HS6ST3: variants seen among roughly 807,000 people sequenced by gnomAD.
HS6ST3 encodes the protein heparan sulfate 6-O-sulfotransferase 3.
A neutral mutation model predicts 36.7 loss-of-function variants in HS6ST3; 12 were observed. The ratio of observed to expected loss-of-function variants is 0.33; its 90% CI spans 0.21 to 0.53. The LOEUF is 0.53. HS6ST3 is among the 20% of genes least tolerant of loss of function. The pLI is 0.95. For synonymous variants in HS6ST3, 240 were observed against 257.5 expected (o/e 0.93, Z 0.65); for missense variants, 584 against 640.9 (o/e 0.91, Z 0.96).
rs146665434 is a variant in HS6ST3 at position 96,636,240 on chromosome 13, C to T, written c.708-196250C>T. On this transcript the variant is annotated intron_variant, in intron 1 of 1. Transcript: ENST00000376705. ...AAAAAGCTTTAAAAAGTGAGAAAAT[C>T]GTACAGCAAGCACTGCCATCTGATA... 3.3e-5 allele frequency among the ~76,000 whole-genome samples: 5 copies of T among 152,278 alleles called. No homozygotes were observed. The South Asian group carries it at 8.3e-4, about 25-fold the overall frequency.
intron 1 of HS6ST3, among the ~76,000 whole-genome samples, chr13:96,199,867 A>G (rs1162923916): frequency 6.6e-6 from 1 of 151,676 alleles, no homozygotes; most frequent in Non-Finnish European, 1.5e-5. Context: ...TTTTTTTTAT[A>G]TAGCTTTCTA....
intron 1 of HS6ST3, among the ~76,000 whole-genome samples, chr13:96,225,253 A>C (rs1194995739): frequency 3.3e-5 from 5 of 152,214 alleles, no homozygotes; most frequent in African/African-American, 1.2e-4. Context: ...GGGGTAAATA[A>C]GTATGTGGAA....
At chr13:96,118,989 C>T (rs12146891) in intron 1 of HS6ST3, among the ~76,000 whole-genome samples, 1 of 151,562 alleles carries the variant, frequency 6.6e-6, no homozygotes, top group Non-Finnish European at 1.5e-5. Flanking sequence ...GGATTACAGG[C>T]GTGAGCCACC....
chr13:96,541,093 C>T (rs951597349), intron 1 of HS6ST3, among the ~76,000 whole-genome samples: 2 of 152,092 alleles, frequency 1.3e-5, no homozygotes, highest in Admixed American at 6.6e-5. Context: ...AGTGCAATGG[C>T]GCGATCTCGG....
intron 1 of HS6ST3, among the ~76,000 whole-genome samples, chr13:96,646,392 A>G (rs928225307): frequency 5.9e-5 from 9 of 152,074 alleles, no homozygotes; most frequent in African/African-American, 1.9e-4. Context: ...AAACAAGGTC[A>G]CTGAATACAT....
chr13:96,145,496 G>T (rs894269405), intron 1 of HS6ST3, among the ~76,000 whole-genome samples: 1 of 152,012 alleles, frequency 6.6e-6, no homozygotes, highest in African/African-American at 2.4e-5. Context: ...TTTTTGATGG[G>T]GTTGTTTGTT....
intron 1 of HS6ST3, among the ~76,000 whole-genome samples, chr13:96,184,359 A>G (rs1258724016): frequency 6.6e-6 from 1 of 152,056 alleles, no homozygotes; most frequent in Non-Finnish European, 1.5e-5. Context: ...CGCTAACTCA[A>G]TTATCTCACC....
At chr13:96,317,350 A>ATAAAGT (rs1555297609) in intron 1 of HS6ST3, among the ~76,000 whole-genome samples, 1 of 83,598 alleles carries the variant, frequency 1.2e-5, no homozygotes, top group African/African-American at 4.7e-5. Context: ...ATATATATAT[A>ATAAAGT]TATATATATA....
chr13:96,207,945 T>C (rs1440891365), intron 1 of HS6ST3, among the ~76,000 whole-genome samples: 1 of 152,136 alleles, frequency 6.6e-6, no homozygotes, highest in Non-Finnish European at 1.5e-5. Context: ...CATTTACCTA[T>C]GTAACAAACC....
At chr13:96,706,413 T>TTATATATATATA (rs3052119) in intron 1 of HS6ST3, among the ~76,000 whole-genome samples, 1,703 of 120,840 alleles carry the variant, frequency 0.014, 32 homozygotes, top group African/African-American at 0.031. Flanking sequence ...AGAATATATT[T>TTATATATATATA]TATATATATA....
chr13:96,670,462 G>C (rs1455522013), intron 1 of HS6ST3, among the ~76,000 whole-genome samples: 1 of 152,032 alleles, frequency 6.6e-6, no homozygotes, highest in Non-Finnish European at 1.5e-5. Context: ...TTTTTTAAAG[G>C]CATGAGATCT....
At chr13:96,323,603 C>T (rs2055015517) in intron 1 of HS6ST3, among the ~76,000 whole-genome samples, 1 of 152,166 alleles carries the variant, frequency 6.6e-6, no homozygotes, top group African/African-American at 2.4e-5. Context: ...GTGGAGCACA[C>T]ACCCTCTCAG....
chr13:96,132,066 T>G lies in HS6ST3; in HGVS notation c.707+40497T>G, dbSNP rs145381899. Among the ~76,000 whole-genome samples, 74 of 151,798 alleles carry G rather than the reference T, an allele frequency of 4.9e-4. 1 individual carries two copies. The highest frequency in any genetic ancestry group is 1.7e-3 in the African/African-American group (72 of 41,316). On this transcript the variant is annotated intron_variant, in intron 1 of 1. Coordinates refer to ENST00000376705, the MANE Select transcript of HS6ST3 (RefSeq NM_153456.4). ...ACATAATGTCCTCTAGGTTCATCCA[T>G]GTTTTTGCAAATGACAAGATTTCCT...
rs1194347861 is a variant in HS6ST3 at position 96,835,624 on chromosome 13, C to CACACAA, written c.*2431_*2432insAACACA. 1.2e-4 allele frequency: 19 copies of CACACAA among 152,300 alleles called. No homozygotes were observed. The highest frequency in any genetic ancestry group is 4.3e-4 in the African/African-American group (18 of 41,466). 9.4% of individuals were successfully genotyped at this position (152,300 alleles called of 1,614,324 possible). On this transcript the variant is annotated 3_prime_UTR_variant, in exon 2 of 2. Coordinates refer to ENST00000376705, the MANE Select transcript of HS6ST3 (RefSeq NM_153456.4). ...CCTGTGACACACACACACACACACA[C>CACACAA]ACACACACACAAACAATCCAGTGTT...
intron 1 of HS6ST3, among the ~76,000 whole-genome samples, chr13:96,471,035 A>G (rs1358648613): frequency 1.3e-5 from 2 of 152,226 alleles, no homozygotes; most frequent in Non-Finnish European, 2.9e-5. Context: ...TAGCCCATGT[A>G]TGACACAAAG....
In HS6ST3 at chr13:96,432,490, A is replaced by G. The variant is rs943113369; in HGVS notation, c.707+340921A>G. On this transcript the variant is annotated intron_variant, in intron 1 of 1. Transcript: ENST00000376705. The stretch of plus-strand genomic sequence containing the variant: ...TTATTGAAACTTGGTTCATTGGCCA[A>G]AAGGGGTCCCATATCACTGGAGTTA... Among the ~76,000 whole-genome samples, 3 of 152,330 alleles carry G rather than the reference A, an allele frequency of 2.0e-5. No individual in the cohort carries two copies. In the East Asian group the frequency reaches 5.8e-4, roughly 29 times the overall value.
intron 1 of HS6ST3, among the ~76,000 whole-genome samples, chr13:96,724,484 G>A (rs987917900): frequency 4.6e-5 from 7 of 152,212 alleles, no homozygotes; most frequent in East Asian, 1.9e-4. Context: ...CCATCAGCCC[G>A]GAACCTCTCT....
chr13:96,732,989 T>C (rs1252615629), intron 1 of HS6ST3, among the ~76,000 whole-genome samples: 2 of 152,370 alleles, frequency 1.3e-5, no homozygotes, highest in East Asian at 3.9e-4. Flanking sequence ...TGATTTTATA[T>C]CCTGCAACTT....
rs529778956 is a variant in HS6ST3 at position 96,706,975 on chromosome 13, C to A, written c.708-125515C>A. Among the ~76,000 whole-genome samples the A allele has an allele frequency of 7.2e-5, 11 of 152,272 alleles. No homozygotes were observed. The East Asian group carries it at 1.9e-3, about 27-fold the overall frequency. On this transcript the variant is annotated intron_variant, in intron 1 of 1. Transcript: ENST00000376705. ...TCAAAAAAAGGAAATATATATGTTT[C>A]TTTCCAATGTGAAATCAGACTAATA... is the stretch of plus-strand genomic sequence containing the variant.
Sources: gnomAD v4.1 joint callset for allele counts (sites outside exome capture counted in the v4.1 genomes callset) on GRCh38, gnomAD v4.1.1 for gene constraint, MANE v1.5 for transcripts, NCBI Gene and HGNC (gene_info 2026-07-23, HGNC 2026-07-21) for gene names.